The following TAF6 variants were observed in gnomAD, a reference collection of about 807,000 sequenced individuals.
TAF6 encodes the protein TATA-box binding protein associated factor 6, also known as transcription initiation factor TFIID subunit 6.
TAF6 carries 50 observed loss-of-function variants against 73.5 expected under a neutral mutation model. The ratio of observed to expected loss-of-function variants is 0.68; its 90% CI spans 0.54 to 0.86. TAF6 has a LOEUF of 0.86. Among genes scored for constraint, TAF6 ranks in the 40% least tolerant of loss-of-function variants. The pLI is 0.00. For missense variants in TAF6, 768 were observed against 899.5 expected, an observed-to-expected ratio of 0.85 and a Z score of 1.87; for synonymous variants, 424 against 376.7, an observed-to-expected ratio of 1.13 and a Z score of -1.45.
the TAF6 span, chr7:100,125,051 C>T: frequency 1.3e-6 from 1 of 745,056 alleles, no homozygotes; most frequent in Non-Finnish European, 2.1e-6. Context: ...GGTGAAACAG[C>T]ATGACATGGC....
chr7:100,118,854 A>T (rs1339314262), intron 1 of TAF6: 4 of 985,196 alleles, frequency 4.1e-6, no homozygotes, highest in Non-Finnish European at 4.8e-6. Context: ...TCTTATCTAT[A>T]GGGAACACAA....
In TAF6 at chr7:100,108,041, G is replaced by T; in HGVS notation, c.1541C>A (p.Ala514Glu). The change falls in exon 14 of 15, where the codon GCA (alanine) becomes GAA (glutamate). Residue 514 changes from alanine to glutamate, a missense_variant. Coordinates refer to ENST00000453269, the MANE Select transcript of TAF6 (RefSeq NM_139315.3). ...PGLLKVPGSI[A>E]LPVQTLVSAR... ...AGACACCAGTGTCTGGACAGGAAGTGCGATGGAGCCAGGAACCTTCAGCAA... is the reference window on the plus strand; with the variant it reads ...AGACACCAGTGTCTGGACAGGAAGTTCGATGGAGCCAGGAACCTTCAGCAA... 6.2e-7 allele frequency: 1 copy of T among 1,613,738 alleles called. No individual in the cohort carries two copies. The highest frequency in any genetic ancestry group is 1.1e-5 in the South Asian group (1 of 91,008).
In TAF6 at chr7:100,107,132, T is replaced by C; in HGVS notation, c.*114A>G. 2 of 1,424,492 alleles carry C rather than the reference T, an allele frequency of 1.4e-6. No homozygotes were observed. Among genetic ancestry groups the C allele is most frequent in the Non-Finnish European group, 1.9e-6 (2 of 1,070,654 alleles). The allele number at this position is 1,424,492 out of a possible 1,614,324, so 88.2% of individuals were successfully genotyped here. A position where few individuals can be genotyped will look rare whatever the true frequency, so the allele number is the denominator to read the frequency against. Reference sequence around the variant, plus strand: ...GGCTGTACAATATCTAAAAAGAAAGTGACATGAAGGAAGCAATCTACAACT... The same window carrying C: ...GGCTGTACAATATCTAAAAAGAAAGCGACATGAAGGAAGCAATCTACAACT... On this transcript the variant is annotated 3_prime_UTR_variant, in exon 15 of 15. Transcript: ENST00000453269.
chr7:100,107,405 A>G lies in TAF6; in HGVS notation c.1875T>C (p.Pro625=). Residue 625 remains proline (P), a synonymous_variant, in exon 15 of 15, where the codon CCT becomes CCC. Transcript: ENST00000453269. ...GEGKGGPTSH[P]SPVPPPASSP... is the part of the protein sequence containing the mutation. ...ACGATGCCGGGGGAGGAACTGGAGA[A>G]GGATGGGAGGTGGGGCCTCCTTTGC... 1 of 1,604,326 alleles carries G rather than the reference A, an allele frequency of 6.2e-7. No individual in the cohort carries two copies. Among genetic ancestry groups the G allele is most frequent in the Non-Finnish European group, 8.5e-7 (1 of 1,174,082 alleles).
intron 12 of TAF6, chr7:100,108,798 G>A (rs927386943): frequency 2.9e-6 from 1 of 341,802 alleles, no homozygotes; most frequent in Non-Finnish European, 5.3e-6. Flanking sequence ...CACTTGGGAG[G>A]CTGAGGTGGG....
chr7:100,124,757 AT>A, upstream of TAF6: 1 of 1,613,882 alleles, frequency 6.2e-7, no homozygotes, highest in East Asian at 2.2e-5. Context: ...TGGAAAGGAG[AT>A]CACAGATGGG....
chr7:100,122,781 C>T, upstream of TAF6: 1 of 1,611,588 alleles, frequency 6.2e-7, no homozygotes, highest in Non-Finnish European at 8.5e-7. Context: ...CTTAATCTCT[C>T]AGGGTCAGAG....
intron 14 of TAF6, 101 bp downstream of exon 14, chr7:100,107,825 T>C (rs957441577): frequency 6.2e-6 from 9 of 1,452,898 alleles, no homozygotes; most frequent in Non-Finnish European, 8.3e-6. Flanking sequence ...AGCTCTTGAC[T>C]TGGGGCCCAG....
At chr7:100,122,526 C>A (rs1798105073), upstream of TAF6, 1 of 1,613,752 alleles carries the variant, frequency 6.2e-7, no homozygotes, top group South Asian at 1.1e-5. Context: ...GTGAGCGGAT[C>A]CTGGACTATA....
In TAF6 at chr7:100,107,505, G is replaced by T; in HGVS notation, c.1775C>A (p.Pro592His). The change falls in exon 15 of 15, where the codon CCC (proline) becomes CAC (histidine). Residue 592 changes from proline to histidine, a missense_variant. Pro to His is a moderately conservative substitution (Grantham distance 77). Around this residue, in one of 5 missense-constraint regions of TAF6, gnomAD observed 350 missense variants for 352.3 expected, o/e 0.99. Transcript: ENST00000453269. ...AGGACCAGAGGGAGCAGTGCTGGGG[G>T]GTGCGGTGGTGGCGGTGGAGACCAA... ...VKLVSTATTA[P>H]PSTAPSGPGS... 3 of 1,614,128 alleles carry T rather than the reference G, an allele frequency of 1.9e-6. No individual in the cohort carries two copies. The highest frequency in any genetic ancestry group is 2.5e-6 in the Non-Finnish European group (3 of 1,180,002).
At chr7:100,118,674 A>G (rs1484348386) in intron 1 of TAF6, 1 of 211,698 alleles carries the variant, frequency 4.7e-6, no homozygotes, top group Admixed American at 6.5e-5. Context: ...AAACAAAAAA[A>G]AATTAAAGTG....
At chr7:100,122,283 T>C, upstream of TAF6, 1 of 1,612,816 alleles carries the variant, frequency 6.2e-7, no homozygotes, top group Non-Finnish European at 8.5e-7. Flanking sequence ...AGCACAGAGC[T>C]ACAGGCGGAA....
chr7:100,113,126 C>T (rs887274831), intron 5 of TAF6, among the ~76,000 whole-genome samples: 1 of 151,984 alleles, frequency 6.6e-6, no homozygotes, highest in African/African-American at 2.4e-5. Context: ...ATTAGCCGGG[C>T]GTGGTGGTGT....
upstream of TAF6, chr7:100,122,135 C>T: frequency 4.8e-6 from 6 of 1,252,268 alleles, no homozygotes; most frequent in Middle Eastern, 2.8e-4. Flanking sequence ...AGCCAGGATT[C>T]CAACCCAGCC....
rs775848152 is a variant in TAF6, at chr7:100,108,331, CTTCCTCCTA to C, written c.1458+27_1458+35del. On this transcript the variant is annotated intron_variant, in intron 13 of 14. Transcript: ENST00000453269. ...TGTCCCACACAGGGGTTCTCCTCTG[CTTCCTCCTA>C]TTCCTCCTCCCCACCCGGCCACGGA... 1.3e-5 allele frequency: 20 copies of C among 1,572,118 alleles called. No individual in the cohort carries two copies. In the African/African-American group the frequency reaches 2.0e-4, roughly 16 times the overall value.
upstream of TAF6, chr7:100,120,198 C>G (rs182641304): frequency 7.6e-4 from 142 of 186,646 alleles, 2 homozygotes; most frequent in East Asian, 2.0e-3. Context: ...AGACCTTAAT[C>G]TGCAGAGGCT....
At chr7:100,119,535 G>A (rs1172978072), upstream of TAF6, 5 of 1,355,574 alleles carry the variant, frequency 3.7e-6, no homozygotes, top group Non-Finnish European at 4.9e-6. Context: ...TTCACTACCC[G>A]GCTGCCAGGA....
chr7:100,117,885 T>C (rs1797800014), intron 1 of TAF6, among the ~76,000 whole-genome samples: 1 of 149,076 alleles, frequency 6.7e-6, no homozygotes, highest in Admixed American at 6.7e-5. Context: ...TACTAAAAAA[T>C]AGAAAAAATT....
Position 100,112,936 on chromosome 7 carries a change from C to T in TAF6, c.455-19G>A. 1.2e-6 allele frequency: 2 copies of T among 1,606,164 alleles called. No homozygotes were observed. The highest frequency in any genetic ancestry group is 1.7e-6 in the Non-Finnish European group (2 of 1,176,916). Reference sequence around the variant, plus strand: ...TTGGGAGCTGGTGGGAAAGCAGGCACAGCGGGAGGGGTGATGAGCATAGTA... The same window carrying T: ...TTGGGAGCTGGTGGGAAAGCAGGCATAGCGGGAGGGGTGATGAGCATAGTA... On this transcript the variant is annotated intron_variant, in intron 5 of 14. Coordinates refer to ENST00000453269, the MANE Select transcript of TAF6 (RefSeq NM_139315.3).
Sources: allele counts gnomAD v4.1 joint callset (sites outside exome capture counted in the v4.1 genomes callset), GRCh38; gene constraint gnomAD v4.1.1; regional missense constraint gnomAD v4.1.1; transcripts MANE v1.5; gene names NCBI Gene and HGNC (gene_info 2026-07-23, HGNC 2026-07-21).